TTC21B: variants seen among roughly 807,000 people sequenced by gnomAD.
The protein encoded by TTC21B is tetratricopeptide repeat protein 21B.
A neutral mutation model predicts 175.1 loss-of-function variants in TTC21B; 127 were observed. That is an observed-to-expected ratio of 0.73 (90% CI 0.63 to 0.84). The LOEUF (loss-of-function observed/expected upper bound fraction) is 0.84. Among genes scored for constraint, TTC21B ranks in the 40% least tolerant of loss-of-function variants. The probability of loss-of-function intolerance (pLI) is 0.00; values close to 1 mark genes in which losing one functional copy is unlikely to be tolerated. For synonymous variants in TTC21B, 524 were observed against 524.5 expected (o/e 1.00, Z 0.01); for missense variants, 1,561 against 1,558.3 (o/e 1.00, Z -0.03).
intron 21 of TTC21B, among the ~76,000 whole-genome samples, 173 bp from the exon 22 acceptor site, chr2:165,898,940 G>C (rs909665007): frequency 6.6e-6 from 1 of 152,184 alleles, no homozygotes; most frequent in Admixed American, 6.5e-5. Flanking sequence ...ATAACTTGCA[G>C]ATCAGTGTAA....
chr2:165,933,820 G>A (rs996613457), intron 6 of TTC21B: 10 of 152,180 alleles, frequency 6.6e-5, no homozygotes, highest in Admixed American at 5.9e-4. Flanking sequence ...AATGTGGGCA[G>A]GAATAGCAGT....
Position 165,943,273 on chromosome 2 carries a change from C to T in TTC21B, c.498G>A (p.Lys166=). Residue 166 remains lysine (K), a synonymous_variant, in exon 5 of 29, where the codon AAG becomes AAA. Coordinates refer to ENST00000243344, the MANE Select transcript of TTC21B (RefSeq NM_024753.5). ...CATCTTGGAGTCCCTCTTCAAAATACTTCAGTGCTTTTTTAGTGTAAGGCT... is the reference window on the plus strand; with the variant it reads ...CATCTTGGAGTCCCTCTTCAAAATATTTCAGTGCTTTTTTAGTGTAAGGCT... ...GKEPYTKKAL[K]YFEEGLQDGN... is the part of the protein sequence containing the mutation. The T allele has an allele frequency of 6.2e-7, 1 of 1,613,098 alleles. No individual in the cohort carries two copies. Among genetic ancestry groups the T allele is most frequent in the South Asian group, 1.1e-5 (1 of 91,058 alleles).
intron 27 of TTC21B, among the ~76,000 whole-genome samples, chr2:165,876,969 T>C (rs537780828): frequency 1.3e-5 from 2 of 152,330 alleles, no homozygotes; most frequent in African/African-American, 4.8e-5. Context: ...TAGTCATCAA[T>C]GACTGGTAAG....
Position 165,940,934 on chromosome 2 carries a change from T to A in TTC21B, c.710+93A>T, listed in dbSNP as rs12623658. 205,418 of 1,432,942 alleles carry A rather than the reference T, an allele frequency of 0.14. 17,915 individuals are homozygous for A. The highest frequency in any genetic ancestry group is 0.34 in the East Asian group (14,747 of 43,380). The allele number at this position is 1,432,942 out of a possible 1,614,324, so 88.8% of individuals were successfully genotyped here. A position where few individuals can be genotyped will look rare whatever the true frequency, so the allele number is the denominator to read the frequency against. On this transcript the variant is annotated intron_variant, in intron 6 of 28. Transcript: ENST00000243344. ...CACACTGTTTGAAAAAAATCAAATT[T>A]AAAAACCCTTATGAAAAAAATTCAC...
chr2:165,950,598 G>A (rs1687731107), intron 1 of TTC21B, among the ~76,000 whole-genome samples: 1 of 152,138 alleles, frequency 6.6e-6, no homozygotes, highest in South Asian at 2.1e-4. Context: ...AAATCTAAGG[G>A]TATCTAGACA....
At chr2:165,953,054 C>G (rs6713513) in intron 1 of TTC21B, among the ~76,000 whole-genome samples, 27,290 of 152,206 alleles carry the variant, frequency 0.18, 3,143 homozygotes, top group African/African-American at 0.32. Context: ...AGTAACCCTT[C>G]ATAAATATTT....
chr2:165,901,588 G>C (rs1413954638), intron 20 of TTC21B, 134 bp downstream of exon 20: 2 of 838,424 alleles, frequency 2.4e-6, no homozygotes, highest in Non-Finnish European at 3.9e-6. Context: ...CTCCCAAAGG[G>C]CTGGGATTAT....
At chr2:165,938,665 T>TA (rs982836425) in intron 6 of TTC21B, among the ~76,000 whole-genome samples, 21 of 151,226 alleles carry the variant, frequency 1.4e-4, no homozygotes, top group East Asian at 3.9e-4. Context: ...TTTCTTCACT[T>TA]AAAAAAATGG....
intron 3 of TTC21B, chr2:165,948,470 T>C (rs1687655721): frequency 6.6e-6 from 1 of 152,226 alleles, no homozygotes; most frequent in African/African-American, 2.4e-5. Context: ...TTTGCATATG[T>C]ATGAAGGAGG....
At chr2:165,925,702 G>C (rs1424675413) in intron 11 of TTC21B, among the ~76,000 whole-genome samples, 1 of 151,960 alleles carries the variant, frequency 6.6e-6, no homozygotes, top group African/African-American at 2.4e-5. Context: ...ATAAAATTTG[G>C]CACTGTATAA....
chr2:165,939,565 A>T (rs1450336362), intron 6 of TTC21B, among the ~76,000 whole-genome samples: 2 of 152,180 alleles, frequency 1.3e-5, no homozygotes, highest in Non-Finnish European at 2.9e-5. Flanking sequence ...AAATATATTT[A>T]TTCTTGATCT....
chr2:165,948,849 T>G (rs1207720941), intron 3 of TTC21B: 1 of 154,148 alleles, frequency 6.5e-6, no homozygotes, highest in Non-Finnish European at 1.4e-5. Context: ...CCACTGTGCC[T>G]GGCAGTTTAC....
rs10930190 is a variant in TTC21B at position 165,943,383 on chromosome 2, G to A, written c.430-42C>T. On this transcript the variant is annotated intron_variant, in intron 4 of 28. Transcript: ENST00000243344. ...TCTATTTTTACTTTTTTAGAAATGAGAGAAATAAATGTTAATGAAAGAGCC... is the reference window on the plus strand; with the variant it reads ...TCTATTTTTACTTTTTTAGAAATGAAAGAAATAAATGTTAATGAAAGAGCC... 1,476,717 of 1,477,672 alleles carry A rather than the reference G, an allele frequency of 1. 737,884 individuals are homozygous for A. The highest frequency in any genetic ancestry group is 1 in the East Asian group (41,630 of 41,630). 91.5% of individuals were successfully genotyped at this position (1,477,672 alleles called of 1,614,324 possible). A position where few individuals can be genotyped will look rare whatever the true frequency, so the allele number is the denominator to read the frequency against.
chr2:165,906,063 T>A (rs1041967486), intron 19 of TTC21B, among the ~76,000 whole-genome samples: 2 of 151,974 alleles, frequency 1.3e-5, no homozygotes, highest in Non-Finnish European at 2.9e-5. Context: ...AAAAATTCAA[T>A]GTTACACTTT....
At chr2:165,927,112 CCTAGTAGATATAT>C (rs1686677749) in intron 11 of TTC21B, among the ~76,000 whole-genome samples, 2 of 27,868 alleles carry the variant, frequency 7.2e-5, no homozygotes. Context: ...ATATATATAT[CCTAGTAGATATAT>C]ATATATATAT....
intron 12 of TTC21B, among the ~76,000 whole-genome samples, chr2:165,923,754 T>G (rs1255267674): frequency 3.4e-5 from 5 of 148,420 alleles, no homozygotes; most frequent in African/African-American, 9.9e-5. Context: ...TTTTTTTTTT[T>G]TTTTTTTTTT....
rs1409978136 is a variant in TTC21B, at chr2:165,943,203, C to T, written c.552+16G>A. ...ATATTTTGAAACATGATTTATTTAC[C>T]CTAACTCCAACTCACCTTACCCAGC... On this transcript the variant is annotated intron_variant, in intron 5 of 28. Coordinates refer to ENST00000243344, the MANE Select transcript of TTC21B (RefSeq NM_024753.5). 6.2e-7 allele frequency: 1 copy of T among 1,612,928 alleles called. No homozygotes were observed. Among genetic ancestry groups the T allele is most frequent in the East Asian group, 2.2e-5 (1 of 44,830 alleles).
In TTC21B at chr2:165,874,573, C is replaced by T; in HGVS notation, c.*182G>A. ...CAAATAGACCAGCTCTCATTCAACT[C>T]CATTAGGAAACACCAATTTCACATA... On this transcript the variant is annotated 3_prime_UTR_variant, in exon 29 of 29. Transcript: ENST00000243344. 2 of 599,582 alleles carry T rather than the reference C, an allele frequency of 3.3e-6. No individual in the cohort carries two copies. Among genetic ancestry groups the T allele is most frequent in the South Asian group, 3.9e-5 (2 of 50,914 alleles). The allele number at this position is 599,582 out of a possible 1,614,324, so 37.1% of individuals were successfully genotyped here. A position where few individuals can be genotyped will look rare whatever the true frequency, so the allele number is the denominator to read the frequency against.
intron 22 of TTC21B, among the ~76,000 whole-genome samples, chr2:165,895,751 G>A (rs1685341448): frequency 6.6e-6 from 1 of 151,922 alleles, no homozygotes; most frequent in African/African-American, 2.4e-5. Context: ...GAGTGGAAGA[G>A]GTGAGATGGT....
Sources: gnomAD v4.1 joint callset for allele counts (sites outside exome capture counted in the v4.1 genomes callset) on GRCh38, gnomAD v4.1.1 for gene constraint, MANE v1.5 for transcripts, NCBI Gene and HGNC (gene_info 2026-07-23, HGNC 2026-07-21) for gene names.